FER1L6: variants seen among roughly 807,000 people sequenced by gnomAD.
FER1L6 encodes fer-1-like protein 6.
Under a neutral mutation model 219.2 loss-of-function variants are expected in FER1L6, and 177 were observed. That is an observed-to-expected ratio of 0.81 (90% confidence interval 0.71 to 0.91). The LOEUF (loss-of-function observed/expected upper bound fraction) is 0.91. FER1L6 is among the 40% of genes least tolerant of loss of function. The probability of loss-of-function intolerance (pLI) is 0.00; values close to 1 mark genes in which losing one functional copy is unlikely to be tolerated. For missense variants in FER1L6, 2,153 were observed against 2,259.9 expected, an observed-to-expected ratio of 0.95 and a Z score of 0.96; for synonymous variants, 768 against 824.3, an observed-to-expected ratio of 0.93 and a Z score of 1.17.
chr8:123,968,222 A>G (rs1215373203), intron 5 of FER1L6, among the ~76,000 whole-genome samples: 1 of 152,180 alleles, frequency 6.6e-6, no homozygotes, highest in Non-Finnish European at 1.5e-5. Context: ...TAAAACTGCA[A>G]AGCTCTACAG....
At chr8:124,031,490 G>T (rs927165303) in intron 18 of FER1L6, among the ~76,000 whole-genome samples, 1 of 152,176 alleles carries the variant, frequency 6.6e-6, no homozygotes, top group East Asian at 1.9e-4. Flanking sequence ...TGGATGTGGA[G>T]TAGAACCCTC....
intron 1 of FER1L6, among the ~76,000 whole-genome samples, chr8:123,954,113 T>C (rs1814909080): frequency 6.6e-6 from 1 of 152,184 alleles, no homozygotes; most frequent in Non-Finnish European, 1.5e-5. Context: ...GTAGAGTAGT[T>C]CTTTCCATTA....
At chr8:124,016,479 A>T (rs186396756) in intron 15 of FER1L6, among the ~76,000 whole-genome samples, 168 of 152,256 alleles carry the variant, frequency 1.1e-3, no homozygotes, top group African/African-American at 3.8e-3. Context: ...AAAAAAAAAT[A>T]AATATACCAA....
chr8:124,075,230 CGTT>C lies in FER1L6; in HGVS notation c.4093-964_4093-962del, dbSNP rs375737405. 1.5e-3 allele frequency among the ~76,000 whole-genome samples: 223 copies of C among 152,334 alleles called. 1 individual carries two copies. The highest frequency in any genetic ancestry group is 5.0e-3 in the African/African-American group (209 of 41,580). On this transcript the variant is annotated intron_variant, in intron 31 of 40. Transcript: ENST00000522917. ...CAACATTTAGCTTAAAACACAAACA[CGTT>C]GTTCAGCTGTACACAAATATGTTCT...
intron 39 of FER1L6, among the ~76,000 whole-genome samples, chr8:124,107,504 G>C (rs1793071650): frequency 6.6e-6 from 1 of 152,162 alleles, no homozygotes; most frequent in Admixed American, 6.5e-5. Flanking sequence ...TTCCTAGACT[G>C]TGTTAAGATC....
At position 123,884,744 on chromosome 8, in the gene FER1L6, A is replaced by G. The variant is rs532763350; in HGVS notation, c.-8+32559A>G. Among the ~76,000 whole-genome samples the G allele has an allele frequency of 1.2e-3, 181 of 151,378 alleles. 1 individual carries two copies. The highest frequency in any genetic ancestry group is 2.3e-3 in the Non-Finnish European group (159 of 67,768). ...GCTGGGAATGGCTGACCCTGCAGTGAGGCAGCTTGGAAATCCCTGCCCTGG... is the reference window on the plus strand; with the variant it reads ...GCTGGGAATGGCTGACCCTGCAGTGGGGCAGCTTGGAAATCCCTGCCCTGG... On this transcript the variant is annotated intron_variant, in intron 1 of 40. Coordinates refer to ENST00000522917, the MANE Select transcript of FER1L6 (RefSeq NM_001039112.2).
At chr8:123,921,500 G>A (rs1813360750) in intron 1 of FER1L6, among the ~76,000 whole-genome samples, 1 of 151,738 alleles carries the variant, frequency 6.6e-6, no homozygotes, top group African/African-American at 2.4e-5. Flanking sequence ...GAGTAGCTGG[G>A]ACTACAGGTG....
chr8:124,028,945 A>G (rs534511320), intron 18 of FER1L6, among the ~76,000 whole-genome samples: 1 of 152,104 alleles, frequency 6.6e-6, no homozygotes, highest in East Asian at 1.9e-4. Flanking sequence ...CTTGTCCCCC[A>G]TCCCCTGACA....
intron 1 of FER1L6, among the ~76,000 whole-genome samples, chr8:123,922,172 C>G (rs1358015648): frequency 6.6e-6 from 1 of 152,158 alleles, no homozygotes; most frequent in South Asian, 2.1e-4. Flanking sequence ...CACCCGGTGC[C>G]CTGCTCCCAG....
chr8:123,964,353 A>G (rs1815438730), intron 3 of FER1L6, among the ~76,000 whole-genome samples: 1 of 152,186 alleles, frequency 6.6e-6, no homozygotes, highest in African/African-American at 2.4e-5. Flanking sequence ...GTTACTATCA[A>G]TAAAACAAAT....
intron 13 of FER1L6, among the ~76,000 whole-genome samples, chr8:124,007,586 C>A (rs2130538270): frequency 6.6e-6 from 1 of 152,366 alleles, no homozygotes; most frequent in South Asian, 2.1e-4. Flanking sequence ...ATCTCTCTCA[C>A]ACTGTTAACT....
At chr8:123,930,851 A>T (rs990152151) in intron 1 of FER1L6, among the ~76,000 whole-genome samples, 4 of 152,146 alleles carry the variant, frequency 2.6e-5, no homozygotes, top group Non-Finnish European at 5.9e-5. Context: ...AGGGCCTCTG[A>T]TGACTTGGGA....
intron 1 of FER1L6, among the ~76,000 whole-genome samples, chr8:123,886,695 TTCAC>T (rs1354379804): frequency 6.6e-6 from 1 of 152,220 alleles, no homozygotes; most frequent in Non-Finnish European, 1.5e-5. Flanking sequence ...CAGCCCCTCT[TTCAC>T]TCTCTAATGT....
chr8:123,888,837 T>C (rs1817251552), intron 1 of FER1L6, among the ~76,000 whole-genome samples: 1 of 152,242 alleles, frequency 6.6e-6, no homozygotes. Context: ...TGCATTTATG[T>C]GTATGTACAT....
At chr8:123,978,401 T>C (rs1035075318) in intron 10 of FER1L6, among the ~76,000 whole-genome samples, 3 of 152,166 alleles carry the variant, frequency 2.0e-5, no homozygotes, top group Admixed American at 2.0e-4. Flanking sequence ...AGCTGAGAGC[T>C]GGTGGATTAG....
intron 30 of FER1L6, among the ~76,000 whole-genome samples, chr8:124,071,142 T>C (rs1821052015): frequency 6.6e-6 from 1 of 152,218 alleles, no homozygotes; most frequent in Admixed American, 6.5e-5. Context: ...TTCACTTCCC[T>C]AAGCCTCAGT....
intron 1 of FER1L6, among the ~76,000 whole-genome samples, chr8:123,858,309 T>C (rs906202818): frequency 2.0e-5 from 3 of 152,196 alleles, no homozygotes; most frequent in African/African-American, 7.2e-5. Context: ...TTATCTATTC[T>C]CTTAAACTTT....
chr8:123,973,365 C>T, intron 6 of FER1L6, 69 bp from the exon 7 acceptor site: 1 of 1,287,410 alleles, frequency 7.8e-7, no homozygotes, highest in Non-Finnish European at 1.1e-6. Flanking sequence ...AGGGTCAAAG[C>T]TAGACAAGGG....
intron 12 of FER1L6, among the ~76,000 whole-genome samples, chr8:124,002,861 A>AG (rs1375633697): frequency 6.6e-6 from 1 of 152,140 alleles, no homozygotes; most frequent in Admixed American, 6.5e-5. Flanking sequence ...GGACACTGCA[A>AG]GGTTATACAC....
Sources: allele counts gnomAD v4.1 joint callset (sites outside exome capture counted in the v4.1 genomes callset), GRCh38; gene constraint gnomAD v4.1.1; transcripts MANE v1.5; gene names NCBI Gene and HGNC (gene_info 2026-07-23, HGNC 2026-07-21).